The following IL20RA variants were observed in gnomAD, a reference collection of about 807,000 sequenced individuals.
The protein encoded by IL20RA is interleukin 20 receptor subunit alpha, also known as interleukin-20 receptor subunit alpha.
A neutral mutation model predicts 36.5 loss-of-function variants in IL20RA; 29 were observed. The observed-to-expected ratio is 0.79, with a 90% CI of 0.59 to 1.08. IL20RA has a LOEUF of 1.08. IL20RA is among the 50% of genes least tolerant of loss of function. The probability of loss-of-function intolerance (pLI) is 0.00; values close to 1 mark genes in which losing one functional copy is unlikely to be tolerated. For missense variants in IL20RA, 652 were observed against 668.4 expected (o/e 0.98, Z 0.27); for synonymous variants, 279 against 267.1 (o/e 1.04, Z -0.43).
chr6:137,002,350 C>A lies in IL20RA; in HGVS notation c.870G>T (p.Leu290Phe), dbSNP rs1775107051. ...GKEKHPANLI[L>F]IYGNEFDKRF... ...TTTTGTCAAATTCATTTCCATAAAT[C>A]AAAATCTATAAAGAGAAAAGAGAAT... The change falls in exon 7 of 7, where the codon TTG (leucine) becomes TTT (phenylalanine). Residue 290 changes from leucine to phenylalanine, a missense_variant. By Grantham distance (22) the Leu-to-Phe change is conservative. Coordinates refer to ENST00000316649, the MANE Select transcript of IL20RA (RefSeq NM_014432.4). 3 of 1,579,764 alleles carry A rather than the reference C, an allele frequency of 1.9e-6. No homozygotes were observed. Among genetic ancestry groups the A allele is most frequent in the South Asian group, 2.3e-5 (2 of 86,036 alleles).
rs1369985878 is a variant in IL20RA at position 137,009,323 on chromosome 6, G to C, written c.573C>G (p.Asn191Lys). Reference protein sequence around the residue: ...YNVSVLNTKSNRTWSQCVTNH... With the variant: ...YNVSVLNTKSKRTWSQCVTNH... ...CATTCCATTTCAGGCTTACCGTTCTGTTTGATTTAGTATTCAACACAGACA... is the reference window on the plus strand; with the variant it reads ...CATTCCATTTCAGGCTTACCGTTCTCTTTGATTTAGTATTCAACACAGACA... The change falls in exon 4 of 7, where the codon AAC (asparagine) becomes AAG (lysine). Residue 191 changes from asparagine to lysine, a missense_variant. Coordinates refer to ENST00000316649, the MANE Select transcript of IL20RA (RefSeq NM_014432.4). 1.2e-6 allele frequency: 2 copies of C among 1,612,778 alleles called. No homozygotes were observed.
chr6:137,018,941 T>A (rs1775804846), intron 1 of IL20RA, among the ~76,000 whole-genome samples: 1 of 152,192 alleles, frequency 6.6e-6, no homozygotes, highest in South Asian at 2.1e-4. Flanking sequence ...CATTATAATA[T>A]CACTGGTGGA....
chr6:137,008,650 G>A lies in IL20RA; in HGVS notation c.673C>T (p.Pro225Ser). 6.2e-7 allele frequency: 1 copy of A among 1,606,858 alleles called. No homozygotes were observed. Among genetic ancestry groups the A allele is most frequent in the East Asian group, 2.2e-5 (1 of 44,556 alleles). The change falls in exon 5 of 7, where the codon CCC (proline) becomes TCC (serine). Residue 225 changes from proline to serine, a missense_variant. Coordinates refer to ENST00000316649, the MANE Select transcript of IL20RA (RefSeq NM_014432.4). ...TCAGAAGGCTGAGCACGGCGAGGGG[G>A]CCCTGGGACGAAGGACTCCACGTGT... Reference protein sequence around the residue: ...CVHVESFVPGPPRRAQPSEKQ... With the variant: ...CVHVESFVPGSPRRAQPSEKQ...
Position 137,004,174 on chromosome 6 carries a change from T to TGTTTTTTGTTTTG in IL20RA, c.864+446_864+447insCAAAACAAAAAAC, listed in dbSNP as rs548602821. ...ATCCAGAAAGCTTTTTTTTTTTTTT[T>TGTTTTTTGTTTTG]TTTTTTTTTTTGAGACAGAGCCTCA... is the stretch of plus-strand genomic sequence containing the variant. On this transcript the variant is annotated intron_variant, in intron 6 of 6. Transcript: ENST00000316649. 6.7e-4 allele frequency among the ~76,000 whole-genome samples: 84 copies of TGTTTTTTGTTTTG among 124,494 alleles called. 1 individual carries two copies. Among genetic ancestry groups the TGTTTTTTGTTTTG allele is most frequent in the Non-Finnish European group, 1.2e-3 (69 of 59,324 alleles). 81.7% of individuals were successfully genotyped at this position (124,494 alleles called of 152,430 possible). A position where few individuals can be genotyped will look rare whatever the true frequency, so the allele number is the denominator to read the frequency against.
intron 1 of IL20RA, among the ~76,000 whole-genome samples, chr6:137,032,153 T>C (rs977094735): frequency 8.6e-5 from 13 of 151,794 alleles, no homozygotes; most frequent in Admixed American, 3.9e-4. Context: ...GGAAAAAGAT[T>C]GTTGTGTTGT....
intron 1 of IL20RA, among the ~76,000 whole-genome samples, chr6:137,026,077 C>T (rs966800748): frequency 1.3e-5 from 2 of 152,214 alleles, no homozygotes; most frequent in African/African-American, 4.8e-5. Context: ...TCTGGAGACT[C>T]CCCTTTGGGA....
intron 1 of IL20RA, among the ~76,000 whole-genome samples, chr6:137,034,149 CT>C: frequency 6.6e-6 from 1 of 152,122 alleles, no homozygotes; most frequent in Non-Finnish European, 1.5e-5. Context: ...GGTCAGTGTC[CT>C]ACAGTCACAA....
intron 1 of IL20RA, among the ~76,000 whole-genome samples, chr6:137,033,731 T>G (rs1449891111): frequency 6.6e-6 from 1 of 152,224 alleles, no homozygotes; most frequent in Non-Finnish European, 1.5e-5. Context: ...CAATTAAACT[T>G]ATTTTCTTTA....
intron 2 of IL20RA, among the ~76,000 whole-genome samples, chr6:137,013,813 G>C (rs1204734670): frequency 6.6e-6 from 1 of 152,114 alleles, no homozygotes; most frequent in African/African-American, 2.4e-5. Flanking sequence ...GCTGAGCTTG[G>C]AGCCCTCTGG....
chr6:137,026,078 C>T (rs558099622), intron 1 of IL20RA, among the ~76,000 whole-genome samples: 1 of 152,266 alleles, frequency 6.6e-6, no homozygotes, highest in African/African-American at 2.4e-5. Flanking sequence ...CTGGAGACTC[C>T]CCTTTGGGAC....
chr6:137,040,494 C>T (rs1347667815), intron 1 of IL20RA, among the ~76,000 whole-genome samples: 4 of 152,214 alleles, frequency 2.6e-5, no homozygotes, highest in Middle Eastern at 3.4e-3. Flanking sequence ...GCAGGGAAAA[C>T]ACTAGATGAG....
chr6:137,001,963 G>A lies in IL20RA; in HGVS notation c.1257C>T (p.Leu419=). ...DICAGPEEQE[L]SLQEEVSTQG... ...GTGTGGACACCTCCTCCTGCAAACT[G>A]AGCTCCTGCTCTTCAGGCCCCGCAC... The change falls in exon 7 of 7, where the codon CTC becomes CTT. Residue 419 remains leucine (L), a synonymous_variant. Coordinates refer to ENST00000316649, the MANE Select transcript of IL20RA (RefSeq NM_014432.4). 1 of 1,614,192 alleles carries A rather than the reference G, an allele frequency of 6.2e-7. No individual in the cohort carries two copies. Among genetic ancestry groups the A allele is most frequent in the Non-Finnish European group, 8.5e-7 (1 of 1,180,032 alleles).
rs778555672 is a variant in IL20RA at position 137,001,646 on chromosome 6, G to A, written c.1574C>T (p.Pro525Leu). 14 of 1,613,616 alleles carry A rather than the reference G, an allele frequency of 8.7e-6. No individual in the cohort carries two copies. The highest frequency in any genetic ancestry group is 2.2e-5 in the East Asian group (1 of 44,880). ...EGLLSRLYEE[P>L]APDRPPGENE... ...TTCTCCTGGTGGCCTGTCTGGAGCC[G>A]GCTCCTCATAGAGTCTAGATAGAAG... The change falls in exon 7 of 7, where the codon CCG (proline) becomes CTG (leucine). Residue 525 changes from proline (P) to leucine (L), a missense_variant. Coordinates refer to ENST00000316649, the MANE Select transcript of IL20RA (RefSeq NM_014432.4).
chr6:137,044,954 A>G lies in IL20RA; in HGVS notation c.-226T>C. ...AGCCCCCACGCGCGCTCCCCCGGCT[A>G]CCCAGCTGGATGGCAGCGCGAGGGC... On this transcript the variant is annotated 5_prime_UTR_variant, in exon 1 of 7. Transcript: ENST00000316649. The G allele has an allele frequency of 3.0e-6, 1 of 337,084 alleles. No individual in the cohort carries two copies. The highest frequency in any genetic ancestry group is 4.7e-5 in the East Asian group (1 of 21,502). 20.9% of individuals were successfully genotyped at this position (337,084 alleles called of 1,614,324 possible). A position where few individuals can be genotyped will look rare whatever the true frequency, so the allele number is the denominator to read the frequency against.
intron 5 of IL20RA, 138 bp from the exon 6 acceptor site, chr6:137,004,898 C>G: frequency 2.7e-6 from 2 of 751,274 alleles, no homozygotes; most frequent in Non-Finnish European, 4.3e-6. Flanking sequence ...TTTCTCACCT[C>G]TACGTTGAGA....
chr6:137,015,204 C>T (rs985496389), intron 2 of IL20RA, among the ~76,000 whole-genome samples: 1 of 152,170 alleles, frequency 6.6e-6, no homozygotes, highest in East Asian at 1.9e-4. Context: ...TTATGATACA[C>T]AGTTCCAAAC....
chr6:137,017,820 G>A (rs573354070), intron 1 of IL20RA, among the ~76,000 whole-genome samples: 1 of 152,098 alleles, frequency 6.6e-6, no homozygotes, highest in South Asian at 2.1e-4. Flanking sequence ...CTGTATCCTA[G>A]AGGATTAATT....
rs1368133954 is a variant in IL20RA, at chr6:137,026,040, GAGACTGGAC to G, written c.89-8946_89-8938del. 2.2e-4 allele frequency among the ~76,000 whole-genome samples: 34 copies of G among 152,198 alleles called. 1 individual carries two copies. Among genetic ancestry groups the G allele is most frequent in the Admixed American group, 2.2e-3 (33 of 15,274 alleles). On this transcript the variant is annotated intron_variant, in intron 1 of 6. Transcript: ENST00000316649. ...AGTACAGAAAGCAAACAAATCGCAA[GAGACTGGAC>G]AGCCAAATGTGATCACTTCTGGAGA...
At chr6:137,041,757 A>G (rs1032104729) in intron 1 of IL20RA, among the ~76,000 whole-genome samples, 60 of 152,240 alleles carry the variant, frequency 3.9e-4, no homozygotes, top group African/African-American at 1.2e-3. Context: ...AATAGACATC[A>G]TAAGCTATAC....
Sources: allele counts gnomAD v4.1 joint callset (sites outside exome capture counted in the v4.1 genomes callset), GRCh38; gene constraint gnomAD v4.1.1; transcripts MANE v1.5; gene names NCBI Gene and HGNC (gene_info 2026-07-23, HGNC 2026-07-21).